Variants in CABCOCO1 observed in about 807,000 individuals in gnomAD.
CABCOCO1 encodes ciliary-associated calcium-binding coiled-coil protein 1.
CABCOCO1 carries 28 observed loss-of-function variants against 35.7 expected under a neutral mutation model. The observed-to-expected ratio is 0.78, with a 90% CI of 0.58 to 1.07. CABCOCO1 has a LOEUF of 1.07. Ranked by LOEUF, CABCOCO1 falls within the 50% of genes least tolerant of loss-of-function variation. The pLI is 0.00. For synonymous variants in CABCOCO1, 95 were observed against 100.1 expected, an observed-to-expected ratio of 0.95 and a Z score of 0.30; for missense variants, 326 against 309.2, an observed-to-expected ratio of 1.05 and a Z score of -0.41.
intron 5 of CABCOCO1, among the ~76,000 whole-genome samples, chr10:61,730,565 A>T (rs1324046351): frequency 2.6e-5 from 4 of 152,108 alleles, no homozygotes; most frequent in Non-Finnish European, 5.9e-5. Context: ...ATGATCAAAG[A>T]GTGCTGAACT....
intron 4 of CABCOCO1, among the ~76,000 whole-genome samples, chr10:61,686,482 T>C (rs1002050178): frequency 3.3e-5 from 5 of 152,156 alleles, no homozygotes; most frequent in African/African-American, 7.2e-5. Flanking sequence ...AGAATTTCAT[T>C]TTTCTTTGCA....
At chr10:61,679,919 TGAAAA>T (rs1589115341) in intron 2 of CABCOCO1, among the ~76,000 whole-genome samples, 1 of 151,876 alleles carries the variant, frequency 6.6e-6, no homozygotes, top group East Asian at 1.9e-4. Context: ...GTATCCAAAA[TGAAAA>T]GAAAATAGAC....
chr10:61,726,914 A>C (rs925445741), intron 5 of CABCOCO1, among the ~76,000 whole-genome samples: 5 of 149,374 alleles, frequency 3.3e-5, no homozygotes, highest in African/African-American at 5.0e-5. Flanking sequence ...AAAAAAAAAA[A>C]GTACCAAGTA....
intron 2 of CABCOCO1, among the ~76,000 whole-genome samples, chr10:61,676,229 T>C (rs543520174): frequency 6.6e-6 from 1 of 152,326 alleles, no homozygotes; most frequent in East Asian, 1.9e-4. Flanking sequence ...ACAGTATTCA[T>C]GTGGTCTTAT....
chr10:61,678,532 C>T (rs984726327), intron 2 of CABCOCO1, among the ~76,000 whole-genome samples: 1 of 151,728 alleles, frequency 6.6e-6, no homozygotes, highest in Non-Finnish European at 1.5e-5. Context: ...ATTAAAAATA[C>T]ACAATGTTCA....
At chr10:61,680,556 ATATATATTTG>A in intron 2 of CABCOCO1, among the ~76,000 whole-genome samples, 1 of 104,332 alleles carries the variant, frequency 9.6e-6, no homozygotes, top group South Asian at 2.8e-4. Context: ...ATAACATATA[ATATATATTTG>A]TATATATTAT....
At chr10:61,675,787 A>G (rs977946915) in intron 2 of CABCOCO1, among the ~76,000 whole-genome samples, 1 of 152,150 alleles carries the variant, frequency 6.6e-6, no homozygotes, top group Admixed American at 6.5e-5. Context: ...AAGGCAAGAA[A>G]CTAAGGCTAA....
intron 5 of CABCOCO1, among the ~76,000 whole-genome samples, chr10:61,704,804 C>A (rs1021060440): frequency 6.8e-6 from 1 of 146,118 alleles, no homozygotes; most frequent in Non-Finnish European, 1.5e-5. Flanking sequence ...ATGCTTACTC[C>A]ATTTTTTTTT....
At chr10:61,728,612 T>C (rs1841220444) in intron 5 of CABCOCO1, among the ~76,000 whole-genome samples, 1 of 152,208 alleles carries the variant, frequency 6.6e-6, no homozygotes. Flanking sequence ...AATACACATA[T>C]ATAAGCAATT....
At chr10:61,685,696 G>A (rs1344003773) in intron 3 of CABCOCO1, among the ~76,000 whole-genome samples, 1 of 152,116 alleles carries the variant, frequency 6.6e-6, no homozygotes. Context: ...AAGTAGCTGG[G>A]ACCACGGGCA....
At chr10:61,700,143 G>A (rs564031065) in intron 5 of CABCOCO1, among the ~76,000 whole-genome samples, 1 of 152,100 alleles carries the variant, frequency 6.6e-6, no homozygotes, top group East Asian at 1.9e-4. Flanking sequence ...GCCTTATATG[G>A]ACCACCTTGG....
intron 5 of CABCOCO1, among the ~76,000 whole-genome samples, chr10:61,740,248 T>C (rs1841519601): frequency 6.6e-6 from 1 of 152,206 alleles, no homozygotes; most frequent in African/African-American, 2.4e-5. Flanking sequence ...GAGGGAACTC[T>C]TGTATAATAA....
At chr10:61,700,944 T>TACATGTATA (rs1003494758) in intron 5 of CABCOCO1, among the ~76,000 whole-genome samples, 6 of 63,678 alleles carry the variant, frequency 9.4e-5, no homozygotes, top group Non-Finnish European at 1.5e-4. Context: ...TACATATACA[T>TACATGTATA]ACATGTATAC....
At position 61,749,753 on chromosome 10, in the gene CABCOCO1, ATCCGGG is replaced by A. The variant is rs1230855575; in HGVS notation, c.553-10304_553-10299del. On this transcript the variant is annotated intron_variant, in intron 5 of 7. Transcript: ENST00000648843. The stretch of plus-strand genomic sequence containing the variant: ...GTGCGTGGGTTTCAGAGTCAGATAG[ATCCGGG>A]TTCTATTTCTGATAGAATTCTCCAT... Among the ~76,000 whole-genome samples the A allele has an allele frequency of 5.9e-5, 9 of 152,302 alleles. No individual in the cohort carries two copies. The East Asian group carries it at 1.7e-3, about 29-fold the overall frequency.
intron 5 of CABCOCO1, among the ~76,000 whole-genome samples, chr10:61,692,673 T>C (rs1480140901): frequency 6.6e-6 from 1 of 152,146 alleles, no homozygotes; most frequent in Non-Finnish European, 1.5e-5. Context: ...TCACTCTTCA[T>C]TTGGGTACTT....
intron 5 of CABCOCO1, among the ~76,000 whole-genome samples, chr10:61,703,292 G>C (rs145091913): frequency 1.4e-3 from 206 of 150,438 alleles, no homozygotes; most frequent in African/African-American, 4.8e-3. Flanking sequence ...GAGCACCAAA[G>C]AGGTAGATCA....
intron 5 of CABCOCO1, among the ~76,000 whole-genome samples, chr10:61,698,135 C>A (rs1162738356): frequency 2.0e-5 from 3 of 152,068 alleles, no homozygotes; most frequent in Non-Finnish European, 2.9e-5. Flanking sequence ...CATTTCAATA[C>A]ACACACACAT....
intron 3 of CABCOCO1, among the ~76,000 whole-genome samples, chr10:61,684,001 C>A (rs1371133689): frequency 1.3e-5 from 2 of 152,050 alleles, no homozygotes; most frequent in African/African-American, 4.8e-5. Context: ...TAATTAATAT[C>A]ATTTTATTAA....
chr10:61,726,786 A>C (rs919102864), intron 5 of CABCOCO1, among the ~76,000 whole-genome samples: 36 of 151,672 alleles, frequency 2.4e-4, no homozygotes, highest in African/African-American at 8.5e-4. Context: ...GGCCAGGCAC[A>C]GTGGCTCACT....
Sources: gnomAD v4.1 joint callset for allele counts (sites outside exome capture counted in the v4.1 genomes callset) on GRCh38, gnomAD v4.1.1 for gene constraint, MANE v1.5 for transcripts, NCBI Gene and HGNC (gene_info 2026-07-23, HGNC 2026-07-21) for gene names.